Variants in PUM2 observed in about 807,000 individuals in gnomAD.
PUM2 encodes the protein pumilio RNA binding family member 2, also known as pumilio homolog 2.
Under a neutral mutation model 124.5 loss-of-function variants are expected in PUM2, and 57 were observed. The observed-to-expected ratio is 0.46, with a 90% CI of 0.37 to 0.57. The LOEUF is 0.57. PUM2 is among the 20% of genes least tolerant of loss of function. PUM2 has a pLI of 0.00. For missense variants in PUM2, 1,065 were observed against 1,290.6 expected, an observed-to-expected ratio of 0.83 and a Z score of 2.68; for synonymous variants, 460 against 446.1, an observed-to-expected ratio of 1.03 and a Z score of -0.39.
intron 13 of PUM2, among the ~76,000 whole-genome samples, chr2:20,271,591 A>T (rs1371617559): frequency 6.6e-6 from 1 of 152,160 alleles, no homozygotes; most frequent in African/African-American, 2.4e-5. Context: ...TGGGATTACA[A>T]GCATGAGCCA....
intron 13 of PUM2, among the ~76,000 whole-genome samples, chr2:20,268,450 A>G (rs1370674210): frequency 6.6e-6 from 1 of 152,086 alleles, no homozygotes; most frequent in African/African-American, 2.4e-5. Context: ...CATCTCCACT[A>G]TATGTATGTG....
chr2:20,253,357 C>T (rs1663938938), intron 20 of PUM2, among the ~76,000 whole-genome samples: 1 of 152,102 alleles, frequency 6.6e-6, no homozygotes, highest in African/African-American at 2.4e-5. Context: ...AGGCATGTAT[C>T]GTCATACCCA....
At chr2:20,275,412 T>C (rs1260469634) in intron 13 of PUM2, among the ~76,000 whole-genome samples, 3 of 152,072 alleles carry the variant, frequency 2.0e-5, no homozygotes, top group Non-Finnish European at 1.5e-5. Context: ...GACTCTTACA[T>C]GAACTGTCAT....
chr2:20,263,095 C>A, intron 14 of PUM2, 98 bp downstream of exon 14: 1 of 1,215,762 alleles, frequency 8.2e-7, no homozygotes, highest in Non-Finnish European at 1.1e-6. Flanking sequence ...TTAAAAGCTT[C>A]CAACTTTAAT....
chr2:20,306,574 C>G (rs906893961), intron 7 of PUM2, among the ~76,000 whole-genome samples: 4 of 149,354 alleles, frequency 2.7e-5, no homozygotes, highest in Non-Finnish European at 4.4e-5. Context: ...AGAGTACATG[C>G]TGCGACTGGC....
At chr2:20,302,515 AT>A (rs1677241546) in intron 7 of PUM2, among the ~76,000 whole-genome samples, 1 of 152,092 alleles carries the variant, frequency 6.6e-6, no homozygotes. Flanking sequence ...CCCCCAAGTT[AT>A]TTTCCAAATA....
chr2:20,272,190 T>TG lies in PUM2; in HGVS notation c.1957+6392_1957+6393insC, dbSNP rs200540119. On this transcript the variant is annotated intron_variant, in intron 13 of 20. Transcript: ENST00000361078. ...ATGAATGAATGAATGAATGAATGAATAAATAAATAAATAAATAGAAAAGCA... is the reference window on the plus strand; with the variant it reads ...ATGAATGAATGAATGAATGAATGAATGAAATAAATAAATAAATAGAAAAGCA... 5.5e-3 allele frequency among the ~76,000 whole-genome samples: 805 copies of TG among 147,066 alleles called. 4 individuals are homozygous for TG. Among genetic ancestry groups the TG allele is most frequent in the South Asian group, 0.015 (71 of 4,724 alleles).
intron 1 of PUM2, among the ~76,000 whole-genome samples, chr2:20,327,762 G>A (rs185322513): frequency 1.3e-5 from 2 of 151,968 alleles, no homozygotes; most frequent in South Asian, 2.1e-4. Flanking sequence ...GTGGAAGTAG[G>A]GTCCTTAAAT....
chr2:20,320,056 A>C (rs1246465959), intron 2 of PUM2, among the ~76,000 whole-genome samples: 3 of 152,180 alleles, frequency 2.0e-5, no homozygotes, highest in African/African-American at 7.2e-5. Context: ...TCACGAGGTC[A>C]GGAGTTCAAG....
At position 20,286,719 on chromosome 2, in the gene PUM2, G is replaced by T. The variant is rs189852218; in HGVS notation, c.1292-3233C>A. Among the ~76,000 whole-genome samples, 7 of 151,358 alleles carry T rather than the reference G, an allele frequency of 4.6e-5. No homozygotes were observed. In the East Asian group the frequency reaches 9.7e-4, roughly 21 times the overall value. ...GGTTTTATTCTCTCTCTTTTTTTTA[G>T]AGTTTCTGGATAAATGCTTAACTCA... On this transcript the variant is annotated intron_variant, in intron 10 of 20. Transcript: ENST00000361078.
intron 9 of PUM2, among the ~76,000 whole-genome samples, chr2:20,293,790 G>T (rs988613170): frequency 6.6e-6 from 1 of 151,974 alleles, no homozygotes; most frequent in African/African-American, 2.4e-5. Flanking sequence ...CAATACCATG[G>T]TGCTTCTTCG....
At chr2:20,252,187 G>C (rs1663557287) in intron 20 of PUM2, among the ~76,000 whole-genome samples, 1 of 152,192 alleles carries the variant, frequency 6.6e-6, no homozygotes, top group Non-Finnish European at 1.5e-5. Context: ...TCAATTAAAA[G>C]ATAGGTAGAC....
At chr2:20,284,705 T>C (rs1672328308) in intron 10 of PUM2, among the ~76,000 whole-genome samples, 1 of 152,222 alleles carries the variant, frequency 6.6e-6, no homozygotes, top group Admixed American at 6.5e-5. Flanking sequence ...ATTTTGTTAA[T>C]ACTATGCAGA....
intron 1 of PUM2, among the ~76,000 whole-genome samples, chr2:20,332,508 G>T (rs1685139711): frequency 6.6e-6 from 1 of 151,726 alleles, no homozygotes; most frequent in Non-Finnish European, 1.5e-5. Context: ...GAATGAAGGA[G>T]AAATTGGGCA....
At chr2:20,274,465 TTC>T (rs1303028040) in intron 13 of PUM2, among the ~76,000 whole-genome samples, 1 of 152,108 alleles carries the variant, frequency 6.6e-6, no homozygotes, top group Non-Finnish European at 1.5e-5. Flanking sequence ...AACAGAATGA[TTC>T]TAAAAATTTA....
chr2:20,345,324 G>T (rs1237527963), intron 1 of PUM2, among the ~76,000 whole-genome samples: 1 of 151,926 alleles, frequency 6.6e-6, no homozygotes, highest in Non-Finnish European at 1.5e-5. Context: ...TGGCCAGGCT[G>T]GTCTTGAATT....
intron 12 of PUM2, among the ~76,000 whole-genome samples, chr2:20,281,905 A>C (rs1671618097): frequency 6.6e-6 from 1 of 152,224 alleles, no homozygotes; most frequent in Admixed American, 6.5e-5. Flanking sequence ...AGTTCAGAAG[A>C]CACTCCCTTA....
chr2:20,306,631 C>T (rs564681970), intron 7 of PUM2, among the ~76,000 whole-genome samples: 6 of 136,604 alleles, frequency 4.4e-5, no homozygotes, highest in Admixed American at 7.6e-5. Context: ...TTTTCTTGAG[C>T]GGAGTCTCTC....
In PUM2 at chr2:20,283,145, G is replaced by T. The variant is rs140032580; in HGVS notation, c.1522C>A (p.Gln508Lys). Residue 508 changes from glutamine (Q) to lysine (K), a missense_variant, in exon 12 of 21, where the codon CAG becomes AAG. Physicochemically the swap from Gln to Lys is moderately conservative, Grantham distance 53. Coordinates refer to ENST00000361078, the MANE Select transcript of PUM2 (RefSeq NM_015317.5). The part of the protein sequence containing the change: ...LFRPIGTQPP[Q>K]QQQQQPSTNL... ...GTGCTTGGCTGCTGTTGCTGCTGCT[G>T]TGGTGGCTGAGTGCCAATTGGCCGA... The T allele has an allele frequency of 1.9e-6, 3 of 1,614,016 alleles. No homozygotes were observed. Among genetic ancestry groups the T allele is most frequent in the Non-Finnish European group, 2.5e-6 (3 of 1,180,016 alleles).
Sources: gnomAD v4.1 joint callset for allele counts (sites outside exome capture counted in the v4.1 genomes callset) on GRCh38, gnomAD v4.1.1 for gene constraint, MANE v1.5 for transcripts, NCBI Gene and HGNC (gene_info 2026-07-23, HGNC 2026-07-21) for gene names.